C1orf94: variants seen among roughly 807,000 people sequenced by gnomAD.
C1orf94 encodes the protein chromosome 1 open reading frame 94.
A neutral mutation model predicts 53.6 loss-of-function variants in C1orf94; 45 were observed. That is an observed-to-expected ratio of 0.84 (90% CI 0.66 to 1.08). The LOEUF (loss-of-function observed/expected upper bound fraction) is 1.08. Among genes scored for constraint, C1orf94 ranks in the 50% least tolerant of loss-of-function variants. The probability of loss-of-function intolerance (pLI) is 0.00; values close to 1 mark genes in which losing one functional copy is unlikely to be tolerated. For synonymous variants in C1orf94, 304 were observed against 296.1 expected, an observed-to-expected ratio of 1.03 and a Z score of -0.27; for missense variants, 762 against 738.9, an observed-to-expected ratio of 1.03 and a Z score of -0.36.
intron 6 of C1orf94, among the ~76,000 whole-genome samples, chr1:34,216,318 G>T (rs1402898944): frequency 6.6e-6 from 1 of 152,210 alleles, no homozygotes; most frequent in African/African-American, 2.4e-5. Context: ...CAAGGGCTGA[G>T]CCTTGAGACT....
In C1orf94 at chr1:34,177,688, C is replaced by A; in HGVS notation, c.-102C>A. The A allele has an allele frequency of 1.8e-6, 2 of 1,084,520 alleles. No individual in the cohort carries two copies. Among genetic ancestry groups the A allele is most frequent in the Non-Finnish European group, 2.6e-6 (2 of 774,258 alleles). 67.2% of individuals were successfully genotyped at this position (1,084,520 alleles called of 1,614,324 possible). A position where few individuals can be genotyped will look rare whatever the true frequency, so the allele number is the denominator to read the frequency against. Reference sequence around the variant, plus strand: ...AGCTGTCCTCCACCCACCCCTCCCACACAAATAGAAGGCCTCTGAACCTAA... The same window carrying A: ...AGCTGTCCTCCACCCACCCCTCCCAAACAAATAGAAGGCCTCTGAACCTAA... On this transcript the variant is annotated 5_prime_UTR_variant, in exon 1 of 7. Coordinates refer to ENST00000488417, the MANE Select transcript of C1orf94 (RefSeq NM_001134734.2).
chr1:34,214,233 T>C (rs1177414776), intron 6 of C1orf94, among the ~76,000 whole-genome samples: 2 of 151,934 alleles, frequency 1.3e-5, no homozygotes, highest in Non-Finnish European at 2.9e-5. Flanking sequence ...GGCCCTCAGA[T>C]GGGAAAGCAA....
At chr1:34,184,440 A>G (rs181717657) in intron 1 of C1orf94, among the ~76,000 whole-genome samples, 13 of 152,306 alleles carry the variant, frequency 8.5e-5, no homozygotes, top group African/African-American at 2.9e-4. Context: ...TTTACCTGTC[A>G]TAACAAACTT....
At chr1:34,181,370 A>G (rs1359295106) in intron 1 of C1orf94, among the ~76,000 whole-genome samples, 1 of 152,204 alleles carries the variant, frequency 6.6e-6, no homozygotes, top group East Asian at 1.9e-4. Flanking sequence ...CAATCCATGC[A>G]GATTTGATCC....
At chr1:34,183,892 A>G (rs892284279) in intron 1 of C1orf94, among the ~76,000 whole-genome samples, 1 of 152,148 alleles carries the variant, frequency 6.6e-6, no homozygotes, top group African/African-American at 2.4e-5. Flanking sequence ...CCTATTACTG[A>G]AATGTCTGAA....
At chr1:34,179,423 C>G (rs72888148) in intron 1 of C1orf94, among the ~76,000 whole-genome samples, 2 of 152,230 alleles carry the variant, frequency 1.3e-5, no homozygotes, top group Non-Finnish European at 2.9e-5. Flanking sequence ...AGCTGATTGT[C>G]CACTTTGTGG....
intron 4 of C1orf94, among the ~76,000 whole-genome samples, chr1:34,203,932 T>C (rs1642752761): frequency 6.6e-6 from 1 of 152,186 alleles, no homozygotes; most frequent in African/African-American, 2.4e-5. Context: ...CAGGAAAGAT[T>C]CTCCATGCCT....
chr1:34,193,543 T>C (rs192730293), intron 1 of C1orf94, among the ~76,000 whole-genome samples: 4 of 152,210 alleles, frequency 2.6e-5, no homozygotes, highest in African/African-American at 9.6e-5. Context: ...GATAACAATC[T>C]CCTGAAAGGA....
intron 1 of C1orf94, among the ~76,000 whole-genome samples, chr1:34,194,350 C>T (rs988407557): frequency 2.6e-5 from 4 of 152,142 alleles, no homozygotes; most frequent in Non-Finnish European, 5.9e-5. Flanking sequence ...AGCAGGGATT[C>T]ACACTCAGCC....
intron 3 of C1orf94, 60 bp downstream of exon 3, chr1:34,201,092 C>T: frequency 6.5e-7 from 1 of 1,532,376 alleles, no homozygotes; most frequent in Non-Finnish European, 8.8e-7. Context: ...CCCTCACAGG[C>T]TTCAGGGTGG....
In C1orf94 at chr1:34,177,119, T is replaced by G. The variant is rs1642239019; in HGVS notation, c.-671T>G. Among the ~76,000 whole-genome samples the G allele has an allele frequency of 6.6e-6, 1 of 152,174 alleles. No individual in the cohort carries two copies. The highest frequency in any genetic ancestry group is 1.5e-5 in the Non-Finnish European group (1 of 68,028). On this transcript the variant is annotated 5_prime_UTR_variant, in exon 1 of 7. Transcript: ENST00000488417. ...CAGGGGTCTGCTGGGGGCCGGGGACTAAGGGCTGTGGGCCCATCCACACAC... is the reference window on the plus strand; with the variant it reads ...CAGGGGTCTGCTGGGGGCCGGGGACGAAGGGCTGTGGGCCCATCCACACAC...
At chr1:34,196,458 G>C (rs1352785522) in intron 1 of C1orf94, among the ~76,000 whole-genome samples, 1 of 152,102 alleles carries the variant, frequency 6.6e-6, no homozygotes, top group Non-Finnish European at 1.5e-5. Flanking sequence ...GCTGTGATCG[G>C]GTCAGAGGCC....
Position 34,218,748 on chromosome 1 carries a change from G to T in C1orf94, c.1784G>T (p.Gly595Val). The part of the protein sequence containing the change: ...HSPYFSSSGN[G>V]INF ...CCCTATTTTTCTTCCAGTGGGAATGGCATAAACTTTTAGATCTCCTCTTCT... is the reference window on the plus strand; with the variant it reads ...CCCTATTTTTCTTCCAGTGGGAATGTCATAAACTTTTAGATCTCCTCTTCT... The change falls in exon 7 of 7, where the codon GGC (glycine) becomes GTC (valine). Residue 595 changes from glycine (G) to valine (V), a missense_variant. Coordinates refer to ENST00000488417, the MANE Select transcript of C1orf94 (RefSeq NM_001134734.2). 2 of 1,612,220 alleles carry T rather than the reference G, an allele frequency of 1.2e-6. No individual in the cohort carries two copies. The highest frequency in any genetic ancestry group is 4.5e-5 in the East Asian group (2 of 44,834).
intron 5 of C1orf94, among the ~76,000 whole-genome samples, chr1:34,210,305 A>C (rs1642868302): frequency 6.6e-6 from 1 of 152,202 alleles, no homozygotes. Flanking sequence ...CCTTTAGCTC[A>C]TCACCTTGGG....
At chr1:34,207,351 A>G (rs115153307) in intron 4 of C1orf94, among the ~76,000 whole-genome samples, 4 of 152,016 alleles carry the variant, frequency 2.6e-5, no homozygotes, top group Non-Finnish European at 5.9e-5. Flanking sequence ...CAGAATTGTG[A>G]GTAAAATGTC....
intron 1 of C1orf94, among the ~76,000 whole-genome samples, chr1:34,179,593 T>C (rs1642282900): frequency 6.6e-6 from 1 of 152,212 alleles, no homozygotes; most frequent in African/African-American, 2.4e-5. Context: ...ACTTCCTCAT[T>C]TGCAAATTGA....
chr1:34,184,878 A>T (rs967348638), intron 1 of C1orf94, among the ~76,000 whole-genome samples: 1 of 151,480 alleles, frequency 6.6e-6, no homozygotes, highest in Admixed American at 6.6e-5. Flanking sequence ...AAACCTGGTG[A>T]TGGGAGTGAT....
At chr1:34,186,117 A>G (rs1040636064) in intron 1 of C1orf94, among the ~76,000 whole-genome samples, 4 of 152,198 alleles carry the variant, frequency 2.6e-5, no homozygotes, top group African/African-American at 7.2e-5. Flanking sequence ...TAATTGAAAT[A>G]AACAACTATG....
At chr1:34,214,632 G>C (rs1642952968) in intron 6 of C1orf94, among the ~76,000 whole-genome samples, 1 of 152,232 alleles carries the variant, frequency 6.6e-6, no homozygotes, top group South Asian at 2.1e-4. Context: ...CTGGGAGGGA[G>C]GGTGGTCTCA....
Sources: allele counts gnomAD v4.1 joint callset (sites outside exome capture counted in the v4.1 genomes callset), GRCh38; gene constraint gnomAD v4.1.1; transcripts MANE v1.5; gene names NCBI Gene and HGNC (gene_info 2026-07-23, HGNC 2026-07-21).